The following BICRAL variants were observed in gnomAD, a reference collection of about 807,000 sequenced individuals.
The protein encoded by BICRAL is BICRA like chromatin remodeling complex associated protein.
Under a neutral mutation model 91.8 loss-of-function variants are expected in BICRAL, and 8 were observed. That is an observed-to-expected ratio of 0.09 (90% CI 0.05 to 0.16). BICRAL has a LOEUF of 0.16. BICRAL is among the 10% of genes least tolerant of loss of function. The probability of loss-of-function intolerance (pLI) is 1.00; values close to 1 mark genes in which losing one functional copy is unlikely to be tolerated. For missense variants in BICRAL, 1,038 were observed against 1,310.9 expected (o/e 0.79, Z 3.21); for synonymous variants, 445 against 491.1 (o/e 0.91, Z 1.24).
chr6:42,805,371 C>T (rs1418487539), intron 1 of BICRAL, among the ~76,000 whole-genome samples: 6 of 152,092 alleles, frequency 3.9e-5, no homozygotes, highest in Non-Finnish European at 8.8e-5. Flanking sequence ...TGTATGTTGT[C>T]AGCTTAAATA....
chr6:42,763,527 A>G (rs1162709600), intron 1 of BICRAL, among the ~76,000 whole-genome samples: 1 of 152,078 alleles, frequency 6.6e-6, no homozygotes, highest in Non-Finnish European at 1.5e-5. Flanking sequence ...AATACTACAA[A>G]CCAGTGTTTT....
At chr6:42,864,511 T>C (rs1581643812) in intron 12 of BICRAL, 148 bp from the exon 13 acceptor site, 1 of 656,740 alleles carries the variant, frequency 1.5e-6, no homozygotes, top group South Asian at 1.9e-5. Flanking sequence ...AGGATCAGGG[T>C]CCTGCTTCTG....
chr6:42,778,673 C>T (rs1404882947), upstream of BICRAL, among the ~76,000 whole-genome samples: 1 of 152,136 alleles, frequency 6.6e-6, no homozygotes, highest in Non-Finnish European at 1.5e-5. Context: ...GATAGCTTTC[C>T]GAAATCCATT....
chr6:42,829,560 C>G lies in BICRAL; in HGVS notation c.1227C>G (p.Val409=). The G allele has an allele frequency of 1.2e-6, 2 of 1,614,202 alleles. No homozygotes were observed. The highest frequency in any genetic ancestry group is 1.1e-5 in the South Asian group (1 of 91,084). ...SQFLIPTSLS[V]SSNSVHHVQT... is the part of the protein sequence containing the mutation. ...TCCTTATACCTACAAGCCTTTCTGT[C>G]AGTTCCAACTCGGTACACCACGTCC... The change falls in exon 6 of 13, where the codon GTC becomes GTG. Residue 409 remains valine, a synonymous_variant. Transcript: ENST00000314073.
rs1358593767 is a variant in BICRAL, at chr6:42,853,871, G to A, written c.2046+133G>A. ...CAGTCCCCTGTGTGCCCACAACAGG[G>A]TGGTCATTGAAGACCTTCCTGGTGG... is the stretch of plus-strand genomic sequence containing the variant. On this transcript the variant is annotated intron_variant, in intron 8 of 12. Coordinates refer to ENST00000314073, the MANE Select transcript of BICRAL (RefSeq NM_001393499.1). 6 of 659,094 alleles carry A rather than the reference G, an allele frequency of 9.1e-6. No individual in the cohort carries two copies. The East Asian group carries it at 1.6e-4, about 18-fold the overall frequency. 40.8% of individuals were successfully genotyped at this position (659,094 alleles called of 1,614,324 possible). A position where few individuals can be genotyped will look rare whatever the true frequency, so the allele number is the denominator to read the frequency against.
chr6:42,783,130 C>CCCCGTT (rs1283012112), intron 1 of BICRAL, among the ~76,000 whole-genome samples: 1 of 144,940 alleles, frequency 6.9e-6, no homozygotes, highest in Non-Finnish European at 1.5e-5. Context: ...GTCGCCCCGG[C>CCCCGTT]CCCGTTCCCG....
chr6:42,852,817 G>A (rs1159424890), intron 7 of BICRAL, among the ~76,000 whole-genome samples: 1 of 151,714 alleles, frequency 6.6e-6, no homozygotes, highest in East Asian at 1.9e-4. Context: ...ATAAATTGAG[G>A]CCGGGCACGG....
At chr6:42,794,411 C>G (rs1424099015) in intron 1 of BICRAL, among the ~76,000 whole-genome samples, 3 of 146,514 alleles carry the variant, frequency 2.0e-5, no homozygotes, top group South Asian at 2.2e-4. Flanking sequence ...TTCACTTACT[C>G]TGTGTGTGTG....
intron 1 of BICRAL, among the ~76,000 whole-genome samples, chr6:42,749,189 T>C (rs1260782609): frequency 6.6e-6 from 1 of 152,168 alleles, no homozygotes; most frequent in Non-Finnish European, 1.5e-5. Flanking sequence ...TTCCAACATA[T>C]ATAACATGGA....
Position 42,867,856 on chromosome 6 carries a change from G to A in BICRAL, c.*2410G>A, listed in dbSNP as rs1163303524. 1.3e-5 allele frequency: 2 copies of A among 152,164 alleles called. No homozygotes were observed. The highest frequency in any genetic ancestry group is 2.9e-5 in the Non-Finnish European group (2 of 68,020). The allele number at this position is 152,164 out of a possible 1,614,324, so 9.4% of individuals were successfully genotyped here. A position where few individuals can be genotyped will look rare whatever the true frequency, so the allele number is the denominator to read the frequency against. On this transcript the variant is annotated 3_prime_UTR_variant, in exon 13 of 13. Coordinates refer to ENST00000314073, the MANE Select transcript of BICRAL (RefSeq NM_001393499.1). ...ATTGTATGTAAGTTTACTTTTTATG[G>A]AGGAAGGATTCTAGATAATGACAAA...
intron 9 of BICRAL, 68 bp downstream of exon 9, chr6:42,855,985 AT>A: frequency 8.1e-7 from 1 of 1,228,552 alleles, no homozygotes. Flanking sequence ...TTCAATAAAT[AT>A]ACCACAGAAA....
intron 6 of BICRAL, among the ~76,000 whole-genome samples, chr6:42,841,100 A>AG (rs1408468449): frequency 8.2e-6 from 1 of 121,624 alleles, no homozygotes; most frequent in Admixed American, 7.8e-5. Context: ...AAAAAAAAAA[A>AG]TTGAAAGCGG....
rs140518750 is a variant in BICRAL at position 42,852,135 on chromosome 6, C to A, written c.1883C>A (p.Pro628His). Residue 628 changes from proline to histidine, a missense_variant, in exon 7 of 13, where the codon CCC (proline) becomes CAC (histidine). Pro to His is a moderately conservative substitution (Grantham distance 77). Transcript: ENST00000314073. ...CLNQTSPISAPKTTDGLRQAQ... is the reference protein window; with the variant it reads ...CLNQTSPISAHKTTDGLRQAQ... ...AATCAGACTTCCCCCATTTCTGCTC[C>A]CAAGACCACAGACGGCCTGAGGCAA... 6.0e-4 allele frequency: 964 copies of A among 1,613,668 alleles called. 7 individuals are homozygous for A. In the South Asian group the frequency reaches 7.0e-3, roughly 12 times the overall value.
chr6:42,829,299 G>A lies in BICRAL; in HGVS notation c.966G>A (p.Gln322=), dbSNP rs1169223781. The A allele has an allele frequency of 1.2e-6, 2 of 1,614,206 alleles. No individual in the cohort carries two copies. The highest frequency in any genetic ancestry group is 2.2e-5 in the South Asian group (2 of 91,090). Residue 322 remains glutamine (Q), a synonymous_variant, in exon 6 of 13, where the codon CAG becomes CAA. Transcript: ENST00000314073. ...NIQPKPIQMG[Q]QNTYNVNNLG... Reference sequence around the variant, plus strand: ...AGCCAAAGCCTATCCAGATGGGTCAGCAAAATACATACAATGTGAACAATT... The same window carrying A: ...AGCCAAAGCCTATCCAGATGGGTCAACAAAATACATACAATGTGAACAATT...
chr6:42,750,972 C>G (rs1762371302), intron 1 of BICRAL, among the ~76,000 whole-genome samples: 1 of 137,674 alleles, frequency 7.3e-6, no homozygotes, highest in Admixed American at 8.1e-5. Flanking sequence ...TATACATGTG[C>G]CATGGTGGTT....
chr6:42,763,312 G>T (rs545541958), intron 1 of BICRAL, among the ~76,000 whole-genome samples: 1 of 152,250 alleles, frequency 6.6e-6, no homozygotes, highest in East Asian at 1.9e-4. Flanking sequence ...TCTGTCTCAG[G>T]TTCTTCAGGA....
chr6:42,785,637 G>T (rs1763083896), intron 1 of BICRAL, among the ~76,000 whole-genome samples: 1 of 151,562 alleles, frequency 6.6e-6, no homozygotes, highest in South Asian at 2.1e-4. Flanking sequence ...CTGATATAAA[G>T]ACCTGAAGAT....
At chr6:42,770,668 G>A (rs984215135) in intron 1 of BICRAL, among the ~76,000 whole-genome samples, 8 of 151,282 alleles carry the variant, frequency 5.3e-5, no homozygotes, top group Non-Finnish European at 1.0e-4. Context: ...CACCCGCCTC[G>A]GCCTCCCAAA....
At chr6:42,788,412 C>T (rs914600826) in intron 1 of BICRAL, among the ~76,000 whole-genome samples, 9 of 151,958 alleles carry the variant, frequency 5.9e-5, no homozygotes, top group Non-Finnish European at 7.4e-5. Context: ...TTAGTAGAGA[C>T]GGGTCCACCA....
Sources: allele counts gnomAD v4.1 joint callset (sites outside exome capture counted in the v4.1 genomes callset), GRCh38; gene constraint gnomAD v4.1.1; transcripts MANE v1.5; gene names NCBI Gene and HGNC (gene_info 2026-07-23, HGNC 2026-07-21).